The following TNNI3K variants were observed in gnomAD, a reference collection of about 807,000 sequenced individuals.
TNNI3K encodes the protein serine/threonine-protein kinase TNNI3K.
A neutral mutation model predicts 114.5 loss-of-function variants in TNNI3K; 140 were observed. That is an observed-to-expected ratio of 1.22 (90% CI 1.07 to 1.41). TNNI3K has a LOEUF of 1.41. TNNI3K is among the 40% of genes most tolerant of loss of function. The pLI is 0.00. For synonymous variants in TNNI3K, 347 were observed against 347.5 expected (o/e 1.00, Z 0.02); for missense variants, 1,125 against 1,007.6 (o/e 1.12, Z -1.58).
intron 23 of TNNI3K, among the ~76,000 whole-genome samples, chr1:74,511,150 T>C (rs1346755900): frequency 6.6e-6 from 1 of 151,262 alleles, no homozygotes; most frequent in African/African-American, 2.4e-5. Context: ...CGCCTTGGCC[T>C]CCCAAAGTGC....
In TNNI3K at chr1:74,293,436, C is replaced by T. The variant is rs116487470; in HGVS notation, c.444+21728C>T. 5.9e-3 allele frequency among the ~76,000 whole-genome samples: 895 copies of T among 151,628 alleles called. 3 individuals are homozygous for T. Among genetic ancestry groups the T allele is most frequent in the South Asian group, 0.01 (50 of 4,816 alleles). ...TTTAAGATTTTCTTTGTTACTTTTT[C>T]GCTTTTTACATTTTATTATATATTA... On this transcript the variant is annotated intron_variant, in intron 5 of 24. Transcript: ENST00000326637.
intron 23 of TNNI3K, among the ~76,000 whole-genome samples, chr1:74,521,810 A>T (rs1014620474): frequency 3.3e-5 from 5 of 152,298 alleles, no homozygotes; most frequent in African/African-American, 1.2e-4. Flanking sequence ...TGCTATTTCT[A>T]CTGAAATGTT....
intron 17 of TNNI3K, chr1:74,376,837 G>A (rs903608871): frequency 2.6e-5 from 4 of 151,194 alleles, no homozygotes; most frequent in Non-Finnish European, 5.9e-5. Flanking sequence ...AAAAATAAAA[G>A]ATTCAAAGAC....
chr1:74,353,365 G>C lies in TNNI3K; in HGVS notation c.1027+5G>C, dbSNP rs1282264104. ...AAGGAAGGGATGGGCACACTGGTAA[G>C]ACTGTGGTGAAAACACCACTAGTTC... On this transcript the variant is annotated splice_donor_5th_base_variant and intron_variant, in intron 10 of 24. Coordinates refer to ENST00000326637, the MANE Select transcript of TNNI3K (RefSeq NM_015978.3). 6.2e-7 allele frequency: 1 copy of C among 1,613,262 alleles called. No individual in the cohort carries two copies. The highest frequency in any genetic ancestry group is 1.1e-5 in the South Asian group (1 of 90,890).
chr1:74,257,037 A>T (rs185893643), intron 4 of TNNI3K, among the ~76,000 whole-genome samples: 1 of 152,214 alleles, frequency 6.6e-6, no homozygotes. Flanking sequence ...ATTGTTTGAT[A>T]ATTTTCCACA....
intron 5 of TNNI3K, among the ~76,000 whole-genome samples, chr1:74,275,172 G>A (rs1321922683): frequency 2.6e-5 from 4 of 151,980 alleles, no homozygotes; most frequent in African/African-American, 9.7e-5. Context: ...AGACATACCC[G>A]AGACTGGGCA....
At position 74,442,374 on chromosome 1, in the gene TNNI3K, G is replaced by A. The variant is rs117176750; in HGVS notation, c.2011+2752G>A. On this transcript the variant is annotated intron_variant, in intron 20 of 24. Transcript: ENST00000326637. ...CTATCTTACTATATTATAGTGAGTC[G>A]TGAAATTAAGTAATGTGAATCCTCC... Among the ~76,000 whole-genome samples, 143 of 152,024 alleles carry A rather than the reference G, an allele frequency of 9.4e-4. 3 individuals carry two copies. The East Asian group carries it at 0.024, about 26-fold the overall frequency.
chr1:74,456,704 T>A (rs1667240292), intron 20 of TNNI3K, among the ~76,000 whole-genome samples: 1 of 152,188 alleles, frequency 6.6e-6, no homozygotes, highest in Non-Finnish European at 1.5e-5. Context: ...CAAAGAGATT[T>A]AACTCTGTGT....
chr1:74,328,771 C>T (rs1322888987), intron 5 of TNNI3K, among the ~76,000 whole-genome samples: 1 of 152,050 alleles, frequency 6.6e-6, no homozygotes, highest in Non-Finnish European at 1.5e-5. Context: ...AGCCTAAGAA[C>T]TCTTATCTTT....
At chr1:74,249,173 C>G (rs561591231) in intron 2 of TNNI3K, among the ~76,000 whole-genome samples, 2 of 151,586 alleles carry the variant, frequency 1.3e-5, no homozygotes, top group African/African-American at 4.8e-5. Flanking sequence ...AAAAGTGCCA[C>G]TAAATTCGCT....
chr1:74,341,583 C>A (rs1216447970), intron 7 of TNNI3K: 1 of 144,340 alleles, frequency 6.9e-6, no homozygotes, highest in Non-Finnish European at 1.5e-5. Context: ...TTTTTACTTT[C>A]AAGTATTAGA....
intron 19 of TNNI3K, 30 bp from the exon 20 acceptor site, chr1:74,439,460 A>G (rs1428451924): frequency 6.2e-7 from 1 of 1,602,086 alleles, no homozygotes; most frequent in Non-Finnish European, 8.5e-7. Context: ...ACACTTGGTA[A>G]ATGGCTTGTG....
chr1:74,386,024 C>T (rs375975565), intron 17 of TNNI3K, among the ~76,000 whole-genome samples: 22 of 152,106 alleles, frequency 1.4e-4, no homozygotes, highest in African/African-American at 4.1e-4. Context: ...CCATGCTGTT[C>T]GCATGATAGT....
rs201008753 is a variant in TNNI3K at position 74,492,175 on chromosome 1, G to A, written c.2260G>A (p.Gly754Arg). The change falls in exon 23 of 25, where the codon GGA becomes AGA. Residue 754 changes from glycine to arginine, a missense_variant. By Grantham distance (125) the Gly-to-Arg change is moderately radical. Transcript: ENST00000326637. Reference sequence around the variant, plus strand: ...TTCTGATTGCCTGGTGAACCGGGGAGGACCTGGCCGGAGTCATGTGGCAGC... The same window carrying A: ...TTCTGATTGCCTGGTGAACCGGGGAAGACCTGGCCGGAGTCATGTGGCAGC... ...SSSDCLVNRG[G>R]PGRSHVAALR... 8.1e-6 allele frequency: 13 copies of A among 1,613,030 alleles called. No homozygotes were observed. Among genetic ancestry groups the A allele is most frequent in the Non-Finnish European group, 1.1e-5 (13 of 1,179,314 alleles).
chr1:74,427,594 C>T (rs569994389), intron 17 of TNNI3K, among the ~76,000 whole-genome samples: 1 of 151,986 alleles, frequency 6.6e-6, no homozygotes, highest in South Asian at 2.1e-4. Context: ...AATATCCTTC[C>T]TCCCTTTCTC....
chr1:74,267,045 T>A (rs950017380), intron 4 of TNNI3K, among the ~76,000 whole-genome samples: 8 of 151,902 alleles, frequency 5.3e-5, no homozygotes, highest in African/African-American at 2.4e-5. Flanking sequence ...GTGTGTCACA[T>A]TGAATAATAA....
intron 17 of TNNI3K, among the ~76,000 whole-genome samples, chr1:74,406,676 G>T (rs1321018271): frequency 6.6e-6 from 1 of 152,066 alleles, no homozygotes; most frequent in Non-Finnish European, 1.5e-5. Flanking sequence ...AGTTATTTTT[G>T]CCATGTACAG....
intron 5 of TNNI3K, among the ~76,000 whole-genome samples, chr1:74,292,329 T>C (rs1812772): frequency 0.7 from 106,537 of 151,290 alleles, 39,622 homozygotes; most frequent in East Asian, 0.88. Context: ...CTTATTAATA[T>C]TTAGCCTTTT....
chr1:74,494,284 A>T (rs1416465998), intron 23 of TNNI3K, among the ~76,000 whole-genome samples: 6 of 152,190 alleles, frequency 3.9e-5, no homozygotes, highest in Non-Finnish European at 8.8e-5. Context: ...TATACAATCT[A>T]CAAATTGCAA....
Sources: allele counts gnomAD v4.1 joint callset (sites outside exome capture counted in the v4.1 genomes callset), GRCh38; gene constraint gnomAD v4.1.1; transcripts MANE v1.5; gene names NCBI Gene and HGNC (gene_info 2026-07-23, HGNC 2026-07-21).